FMN2: variants seen among roughly 807,000 people sequenced by gnomAD.
FMN2 encodes formin-2.
FMN2 carries 51 observed loss-of-function variants against 142.3 expected under a neutral mutation model. The observed-to-expected ratio is 0.36, with a 90% CI of 0.29 to 0.45. The LOEUF (loss-of-function observed/expected upper bound fraction) is 0.45. Among genes scored for constraint, FMN2 ranks in the 20% least tolerant of loss-of-function variants. The pLI, the probability that FMN2 is intolerant of heterozygous loss-of-function variation, is 1.00. For synonymous variants in FMN2, 882 were observed against 869.8 expected (o/e 1.01, Z -0.25); for missense variants, 1,936 against 2,122.8 (o/e 0.91, Z 1.73).
intron 14 of FMN2, among the ~76,000 whole-genome samples, chr1:240,372,148 A>C (rs1260794503): frequency 3.3e-5 from 5 of 152,150 alleles, no homozygotes; most frequent in Non-Finnish European, 5.9e-5. Flanking sequence ...AGGTAGAAGA[A>C]TTGCTTGAAC....
chr1:240,160,113 A>G (rs1043117171), intron 2 of FMN2, among the ~76,000 whole-genome samples: 1 of 150,820 alleles, frequency 6.6e-6, no homozygotes, highest in East Asian at 1.9e-4. Context: ...TTCATTGGTG[A>G]ATTCTACCAA....
rs1400310506 is a variant in FMN2, at chr1:240,329,323, G to A, written c.4308-16G>A. On this transcript the variant is annotated splice_polypyrimidine_tract_variant and intron_variant, in intron 9 of 17. Coordinates refer to ENST00000319653, the MANE Select transcript of FMN2 (RefSeq NM_020066.5). ...TGAATTATATTTTTCTTCTTAACTT[G>A]GCTTTATTTCCTTAGGTTCCTTTAT... 5 of 1,607,314 alleles carry A rather than the reference G, an allele frequency of 3.1e-6. No homozygotes were observed. The Admixed American group carries it at 5.2e-5, about 17-fold the overall frequency.
chr1:240,140,078 C>T (rs949541084), intron 2 of FMN2, among the ~76,000 whole-genome samples: 2 of 152,052 alleles, frequency 1.3e-5, no homozygotes, highest in African/African-American at 2.4e-5. Context: ...GCTAAGATTG[C>T]GTGAAGGTGA....
At chr1:240,359,349 A>T (rs1672384704) in intron 14 of FMN2, among the ~76,000 whole-genome samples, 1 of 152,180 alleles carries the variant, frequency 6.6e-6, no homozygotes, top group Admixed American at 6.5e-5. Flanking sequence ...GGGTATGATT[A>T]TATTTTTGTA....
At chr1:240,342,288 C>G (rs145882040) in intron 13 of FMN2, among the ~76,000 whole-genome samples, 5 of 152,294 alleles carry the variant, frequency 3.3e-5, no homozygotes, top group African/African-American at 9.6e-5. Context: ...GACTGGAATT[C>G]TGTATTCACT....
At chr1:240,185,199 T>C (rs897232267) in intron 3 of FMN2, among the ~76,000 whole-genome samples, 8 of 150,448 alleles carry the variant, frequency 5.3e-5, no homozygotes, top group African/African-American at 1.7e-4. Flanking sequence ...CTCCCTCCTA[T>C]ACCTTTTTCC....
rs181691979 is a variant in FMN2, at chr1:240,197,407, C to G, written c.1986+9145C>G. On this transcript the variant is annotated intron_variant, in intron 4 of 17. Coordinates refer to ENST00000319653, the MANE Select transcript of FMN2 (RefSeq NM_020066.5). ...TGTGGGCTGGTCTAACACATTGAAC[C>G]TGCGGAGGGGGTGGAGGGATCCTGG... Among the ~76,000 whole-genome samples, 600 of 152,176 alleles carry G rather than the reference C, an allele frequency of 3.9e-3. 5 individuals carry two copies. Among genetic ancestry groups the G allele is most frequent in the African/African-American group, 0.014 (567 of 41,536 alleles).
At chr1:240,183,766 A>G (rs752802688) in intron 3 of FMN2, among the ~76,000 whole-genome samples, 1 of 152,076 alleles carries the variant, frequency 6.6e-6, no homozygotes, top group South Asian at 2.1e-4. Flanking sequence ...GTGGAAAGAC[A>G]TGGTATATCA....
intron 7 of FMN2, among the ~76,000 whole-genome samples, chr1:240,280,311 T>A (rs1669353830): frequency 6.6e-6 from 1 of 152,194 alleles, no homozygotes; most frequent in African/African-American, 2.4e-5. Flanking sequence ...TTCAAGCTTT[T>A]CTGTTTTAGG....
chr1:240,449,655 G>A (rs1362877838), intron 16 of FMN2, among the ~76,000 whole-genome samples: 1 of 152,172 alleles, frequency 6.6e-6, no homozygotes, highest in Non-Finnish European at 1.5e-5. Context: ...TTAGGATCAT[G>A]TAGCTTGGAG....
intron 6 of FMN2, among the ~76,000 whole-genome samples, chr1:240,250,821 G>T (rs938586446): frequency 6.6e-6 from 1 of 152,174 alleles, no homozygotes; most frequent in Non-Finnish European, 1.5e-5. Flanking sequence ...TTGGTAGATT[G>T]TATGTGTCCA....
intron 6 of FMN2, among the ~76,000 whole-genome samples, chr1:240,235,273 CACGATTAAATAGAAAG>C (rs1216721458): frequency 3.3e-5 from 5 of 152,154 alleles, no homozygotes; most frequent in African/African-American, 1.2e-4. Flanking sequence ...GTCATCTTTG[CACGATTAAATAGAAAG>C]ACTTCTAAGC....
chr1:240,437,361 T>G (rs1675423365), intron 15 of FMN2, among the ~76,000 whole-genome samples: 2 of 146,850 alleles, frequency 1.4e-5, no homozygotes, highest in Admixed American at 7.0e-5. Context: ...TGGTGCAATC[T>G]CGGCTCACTG....
intron 6 of FMN2, among the ~76,000 whole-genome samples, chr1:240,253,662 T>C (rs1028036308): frequency 1.3e-5 from 2 of 152,236 alleles, no homozygotes; most frequent in African/African-American, 4.8e-5. Context: ...AATATCTCTT[T>C]GTTTTATGTT....
At chr1:240,461,197 A>G (rs1257643158) in intron 16 of FMN2, among the ~76,000 whole-genome samples, 2 of 152,224 alleles carry the variant, frequency 1.3e-5, no homozygotes, top group East Asian at 3.8e-4. Flanking sequence ...CTGGAAGTAC[A>G]TGATGTGTGT....
chr1:240,425,329 G>A (rs776387927), intron 15 of FMN2, among the ~76,000 whole-genome samples: 10 of 152,006 alleles, frequency 6.6e-5, no homozygotes, highest in Non-Finnish European at 1.3e-4. Flanking sequence ...TGACAGAAGC[G>A]AAAACTCGGT....
intron 15 of FMN2, among the ~76,000 whole-genome samples, chr1:240,395,747 A>G (rs964887223): frequency 2.6e-5 from 4 of 152,236 alleles, no homozygotes; most frequent in Non-Finnish European, 5.9e-5. Flanking sequence ...CTTATGAATG[A>G]GCAAAGAAAG....
At chr1:240,454,380 A>G (rs2103216005) in intron 16 of FMN2, among the ~76,000 whole-genome samples, 1 of 152,232 alleles carries the variant, frequency 6.6e-6, no homozygotes, top group South Asian at 2.1e-4. Context: ...CATATCTACT[A>G]AAAATACAAA....
At chr1:240,197,611 T>C (rs546609711) in intron 4 of FMN2, among the ~76,000 whole-genome samples, 14 of 152,252 alleles carry the variant, frequency 9.2e-5, no homozygotes, top group African/African-American at 3.4e-4. Context: ...ATAGAATTGA[T>C]TGCTTGCTGG....
Sources: allele counts gnomAD v4.1 joint callset (sites outside exome capture counted in the v4.1 genomes callset), GRCh38; gene constraint gnomAD v4.1.1; transcripts MANE v1.5; gene names NCBI Gene and HGNC (gene_info 2026-07-23, HGNC 2026-07-21).